METTL15: variants seen among roughly 807,000 people sequenced by gnomAD.
The protein encoded by METTL15 is methyltransferase 15, mitochondrial 12S rRNA N4-cytidine, also known as 12S rRNA N(4)-cytidine methyltransferase METTL15.
In METTL15, 34 loss-of-function variants were observed where a neutral mutation model predicts 38.3. The observed-to-expected ratio is 0.89, with a 90% CI of 0.68 to 1.18. METTL15 has a LOEUF of 1.18. METTL15 is among the 50% of genes most tolerant of loss of function. The pLI is 0.00. For missense variants in METTL15, 438 were observed against 498.4 expected (o/e 0.88, Z 1.15); for synonymous variants, 162 against 170.9 (o/e 0.95, Z 0.41).
In METTL15 at chr11:28,249,171, A is replaced by G. The variant is rs749642511; in HGVS notation, c.407+37973A>G. Among the ~76,000 whole-genome samples, 8 of 152,098 alleles carry G rather than the reference A, an allele frequency of 5.3e-5. No individual in the cohort carries two copies. The South Asian group carries it at 6.2e-4, about 12-fold the overall frequency. On this transcript the variant is annotated intron_variant, in intron 4 of 6. Coordinates refer to ENST00000407364, the MANE Select transcript of METTL15 (RefSeq NM_001113528.2). ...CTCCCTCACAAGCTCACATGAGGAA[A>G]CCTTAGGTAATTTTTTTTAATGTTT...
intron 5 of METTL15, among the ~76,000 whole-genome samples, chr11:28,291,225 T>A (rs988271663): frequency 1.3e-5 from 2 of 151,960 alleles, no homozygotes; most frequent in Non-Finnish European, 2.9e-5. Context: ...TATTTTTGTA[T>A]TAGTAGAGAC....
At chr11:28,335,607 G>A (rs941699224), downstream of METTL15, among the ~76,000 whole-genome samples, 35 of 152,124 alleles carry the variant, frequency 2.3e-4, no homozygotes, top group African/African-American at 7.5e-4. Flanking sequence ...ATGATGTCCG[G>A]GTCATGGGAG....
At chr11:28,531,233 A>G (rs1851841784), downstream of METTL15, among the ~76,000 whole-genome samples, 1 of 152,032 alleles carries the variant, frequency 6.6e-6, no homozygotes, top group Non-Finnish European at 1.5e-5. Context: ...ACCACCATCC[A>G]TCCCAGCTCC....
intron 4 of METTL15, among the ~76,000 whole-genome samples, chr11:28,279,276 C>T (rs1486771053): frequency 1.3e-5 from 2 of 152,124 alleles, no homozygotes; most frequent in African/African-American, 4.8e-5. Context: ...CTTACTTTCA[C>T]CTTTTTTTGA....
At chr11:28,394,899 A>G (rs940629579) in intron 5 of METTL15, among the ~76,000 whole-genome samples, 4 of 152,118 alleles carry the variant, frequency 2.6e-5, no homozygotes, top group Non-Finnish European at 5.9e-5. Flanking sequence ...CTTATTAAGT[A>G]TAAGCATAAT....
chr11:28,485,681 G>A (rs527982181), intron 6 of METTL15, among the ~76,000 whole-genome samples: 1 of 152,270 alleles, frequency 6.6e-6, no homozygotes, highest in Admixed American at 6.5e-5. Flanking sequence ...TTTCCTATAT[G>A]AAATTTCATT....
intron 4 of METTL15, among the ~76,000 whole-genome samples, chr11:28,245,219 T>G (rs1854461529): frequency 6.6e-6 from 1 of 152,206 alleles, no homozygotes; most frequent in African/African-American, 2.4e-5. Flanking sequence ...TCTGGGATAA[T>G]TACTTAATCT....
At chr11:28,500,584 G>A (rs1851574077) in intron 6 of METTL15, among the ~76,000 whole-genome samples, 1 of 151,688 alleles carries the variant, frequency 6.6e-6, no homozygotes, top group Non-Finnish European at 1.5e-5. Context: ...CCAGGCTGGA[G>A]TGCAATGGCG....
chr11:28,444,189 A>T (rs1180767275), intron 6 of METTL15, among the ~76,000 whole-genome samples: 1 of 152,136 alleles, frequency 6.6e-6, no homozygotes, highest in Non-Finnish European at 1.5e-5. Context: ...CTCAACCCTT[A>T]TAGTTATAAT....
Position 28,397,976 on chromosome 11 carries a change from A to G in METTL15, c.*359-26323A>G, listed in dbSNP as rs555252479. On this transcript the variant is annotated intron_variant and NMD_transcript_variant, in intron 5 of 7. Coordinates refer to the METTL15 transcript ENST00000532947. ...AACTTGAAACCATCATTCTCAGCAAACTATCACAAGGACAAAAAACCAAAA... is the reference window on the plus strand; with the variant it reads ...AACTTGAAACCATCATTCTCAGCAAGCTATCACAAGGACAAAAAACCAAAA... 8.2e-4 allele frequency among the ~76,000 whole-genome samples: 125 copies of G among 152,222 alleles called. 1 individual carries two copies. In the South Asian group the frequency reaches 0.025, roughly 31 times the overall value.
intron 6 of METTL15, among the ~76,000 whole-genome samples, chr11:28,462,447 C>T (rs1851223802): frequency 6.6e-6 from 1 of 150,776 alleles, no homozygotes; most frequent in Non-Finnish European, 1.5e-5. Context: ...ACCACACATA[C>T]ACATACACAC....
chr11:28,394,643 G>T (rs374670015), intron 5 of METTL15, among the ~76,000 whole-genome samples: 4 of 152,020 alleles, frequency 2.6e-5, no homozygotes, highest in Non-Finnish European at 5.9e-5. Context: ...TTTATCTTAT[G>T]ACAAGATTCT....
intron 4 of METTL15, among the ~76,000 whole-genome samples, chr11:28,240,051 G>C (rs951738184): frequency 6.6e-6 from 1 of 151,968 alleles, no homozygotes; most frequent in East Asian, 1.9e-4. Context: ...AAGAGTAAAG[G>C]GATCAATCAA....
chr11:28,471,875 T>C (rs957325540), intron 6 of METTL15, among the ~76,000 whole-genome samples: 1 of 152,098 alleles, frequency 6.6e-6, no homozygotes, highest in African/African-American at 2.4e-5. Flanking sequence ...GCAGACATCA[T>C]TCTCTGTGGG....
intron 6 of METTL15, among the ~76,000 whole-genome samples, chr11:28,426,257 G>A (rs1850863034): frequency 6.6e-6 from 1 of 152,116 alleles, no homozygotes; most frequent in Admixed American, 6.5e-5. Context: ...CTCCATCCAT[G>A]TCCCTGCAAA....
rs146004126 is a variant in METTL15 at position 28,141,035 on chromosome 11, T to C, written c.270+27431T>C. On this transcript the variant is annotated intron_variant, in intron 3 of 6. Coordinates refer to ENST00000407364, the MANE Select transcript of METTL15 (RefSeq NM_001113528.2). ...CCCGATGCCCAGAAAGTTAATATGC[T>C]GAGAACAGCAGTAGTTGCAGCAGAG... 3.3e-4 allele frequency among the ~76,000 whole-genome samples: 51 copies of C among 152,274 alleles called. No individual in the cohort carries two copies. The East Asian group carries it at 9.1e-3, about 27-fold the overall frequency.
At chr11:28,181,071 T>C (rs1851265033) in intron 3 of METTL15, among the ~76,000 whole-genome samples, 1 of 151,568 alleles carries the variant, frequency 6.6e-6, no homozygotes, top group Non-Finnish European at 1.5e-5. Context: ...CCTGTGGAGC[T>C]AGAAAATAAT....
At chr11:28,223,802 C>A (rs559086809) in intron 4 of METTL15, among the ~76,000 whole-genome samples, 24 of 152,082 alleles carry the variant, frequency 1.6e-4, no homozygotes, top group Non-Finnish European at 2.9e-4. Flanking sequence ...TTTGCTGTTG[C>A]CTCTGAAGAC....
chr11:28,325,042 A>G (rs1238026936), intron 6 of METTL15, among the ~76,000 whole-genome samples: 1 of 152,126 alleles, frequency 6.6e-6, no homozygotes, highest in Non-Finnish European at 1.5e-5. Context: ...TTCTCTGGGC[A>G]TGAGCGAGCC....
Sources: gnomAD v4.1 joint callset for allele counts (sites outside exome capture counted in the v4.1 genomes callset) on GRCh38, gnomAD v4.1.1 for gene constraint, MANE v1.5 for transcripts, NCBI Gene and HGNC (gene_info 2026-07-23, HGNC 2026-07-21) for gene names.